SUSD1: variants seen among roughly 807,000 people sequenced by gnomAD.
SUSD1 encodes the protein sushi domain-containing protein 1.
A neutral mutation model predicts 86.9 loss-of-function variants in SUSD1; 65 were observed. The observed-to-expected ratio is 0.75, with a 90% confidence interval of 0.61 to 0.92. SUSD1 has a LOEUF of 0.92. SUSD1 is among the 40% of genes least tolerant of loss of function. The pLI is 0.00. For missense variants in SUSD1, 850 were observed against 929.7 expected, an observed-to-expected ratio of 0.91 and a Z score of 1.11; for synonymous variants, 346 against 350.0, an observed-to-expected ratio of 0.99 and a Z score of 0.13.
intron 12 of SUSD1, among the ~76,000 whole-genome samples, chr9:112,069,240 T>C (rs1829141046): frequency 6.6e-6 from 1 of 152,006 alleles, no homozygotes; most frequent in South Asian, 2.1e-4. Flanking sequence ...GTCTAGAATT[T>C]CTCCCAGAGT....
At chr9:112,051,408 CTTTTTTTTTTTT>C (rs746946192) in intron 15 of SUSD1, among the ~76,000 whole-genome samples, 1 of 77,042 alleles carries the variant, frequency 1.3e-5, no homozygotes, top group South Asian at 4.7e-4. Flanking sequence ...TTTTTCTTTT[CTTTTTTTTTTTT>C]TTTTTTTTTT....
intron 15 of SUSD1, among the ~76,000 whole-genome samples, chr9:112,049,927 C>CA (rs1166868308): frequency 1.3e-5 from 2 of 152,122 alleles, no homozygotes; most frequent in Non-Finnish European, 2.9e-5. Context: ...ATTTTCAAAG[C>CA]AAAATCCTCC....
intron 1 of SUSD1, among the ~76,000 whole-genome samples, chr9:112,167,143 C>T (rs905656564): frequency 6.6e-6 from 1 of 151,752 alleles, no homozygotes; most frequent in African/African-American, 2.4e-5. Flanking sequence ...TTCACCCAGG[C>T]TAGAGTGTAG....
intron 9 of SUSD1, among the ~76,000 whole-genome samples, chr9:112,101,496 G>T (rs1830633903): frequency 6.6e-6 from 1 of 152,138 alleles, no homozygotes; most frequent in South Asian, 2.1e-4. Context: ...TACTGATGAT[G>T]TTTAAGAAAA....
At chr9:112,131,658 C>T (rs1832039524) in intron 5 of SUSD1, among the ~76,000 whole-genome samples, 1 of 152,158 alleles carries the variant, frequency 6.6e-6, no homozygotes, top group Non-Finnish European at 1.5e-5. Context: ...ATAAAAAACC[C>T]CCAAAACTCT....
At chr9:112,054,237 A>G (rs1159255019) in intron 14 of SUSD1, among the ~76,000 whole-genome samples, 1 of 152,224 alleles carries the variant, frequency 6.6e-6, no homozygotes, top group Non-Finnish European at 1.5e-5. Flanking sequence ...AAACCCTTGC[A>G]TATATGTCAA....
chr9:112,108,792 G>GA lies in SUSD1; in HGVS notation c.1171+2861dup, dbSNP rs1380642660. ...GGTGTCTCAAAAAAAAAAAAAAAAA[G>GA]AAAAAAAAGAAAGAAAGAAAGAAAA... On this transcript the variant is annotated intron_variant, in intron 8 of 16. Transcript: ENST00000374270. Among the ~76,000 whole-genome samples, 5 of 66,622 alleles carry GA rather than the reference G, an allele frequency of 7.5e-5. No homozygotes were observed. In the South Asian group the frequency reaches 1.4e-3, roughly 19 times the overall value. The allele number at this position is 66,622 out of a possible 152,430, so 43.7% of individuals were successfully genotyped here. A position where few individuals can be genotyped will look rare whatever the true frequency, so the allele number is the denominator to read the frequency against.
chr9:112,138,795 T>G (rs188824423), intron 5 of SUSD1, among the ~76,000 whole-genome samples: 1 of 152,360 alleles, frequency 6.6e-6, no homozygotes, highest in East Asian at 1.9e-4. Flanking sequence ...CATAATTTTA[T>G]TGGATACATA....
Position 112,062,948 on chromosome 9 carries a change from AT to A in SUSD1, c.1838del (p.Asn613MetfsTer10). The A allele has an allele frequency of 1.2e-6, 2 of 1,610,490 alleles. No homozygotes were observed. Among genetic ancestry groups the A allele is most frequent in the Non-Finnish European group, 8.5e-7 (1 of 1,177,432 alleles). On this transcript the variant is annotated frameshift_variant, in exon 13 of 17. Coordinates refer to ENST00000374270, the MANE Select transcript of SUSD1 (RefSeq NM_022486.5). LOFTEE classifies it high-confidence loss of function. ...RLRLRKAKEK[N>X]GPISSYQVLV... ...GGACAGCTACTGACCTGATTGGTCC[AT>A]TTTTCTCCTTGGCTTTCCTCAGTCT... is the stretch of plus-strand genomic sequence containing the variant.
chr9:112,128,357 G>C (rs931181662), intron 5 of SUSD1, among the ~76,000 whole-genome samples: 1 of 151,668 alleles, frequency 6.6e-6, no homozygotes, highest in African/African-American at 2.4e-5. Flanking sequence ...GCCTCCCAAA[G>C]TGCTAGGATT....
chr9:112,124,426 A>G lies in SUSD1; in HGVS notation c.717T>C (p.Cys239=). ...SPKLHCQEIN[C]GNPPEMRHAI... ...CGTGCCGCATTTCTGGAGGGTTGCC[A>G]CAGTTGATCTCTGCAATGGGAACCA... Residue 239 remains cysteine (C), a synonymous_variant, in exon 6 of 17, where the codon TGT becomes TGC. Transcript: ENST00000374270. 1 of 1,613,972 alleles carries G rather than the reference A, an allele frequency of 6.2e-7. No individual in the cohort carries two copies. Among genetic ancestry groups the G allele is most frequent in the Non-Finnish European group, 8.5e-7 (1 of 1,179,880 alleles).
chr9:112,111,822 G>A lies in SUSD1; in HGVS notation c.1003C>T (p.Arg335Trp), dbSNP rs747833554. Residue 335 changes from arginine (R) to tryptophan (W), a missense_variant, in exon 8 of 17, where the codon CGG (arginine) becomes TGG (tryptophan). By Grantham distance (101) the Arg-to-Trp change is moderately radical. Coordinates refer to ENST00000374270, the MANE Select transcript of SUSD1 (RefSeq NM_022486.5). Reference sequence around the variant, plus strand: ...CGAACTGATTCCATAGGGTCCAACCGTTGTCCTTTTATGGATATCTTTGAG... The same window carrying A: ...CGAACTGATTCCATAGGGTCCAACCATTGTCCTTTTATGGATATCTTTGAG... ...ISYVISIKGQRLDPMESVREE... is the reference protein window; with the variant it reads ...ISYVISIKGQWLDPMESVREE... The A allele has an allele frequency of 2.0e-5, 33 of 1,613,764 alleles. No individual in the cohort carries two copies. Among genetic ancestry groups the A allele is most frequent in the African/African-American group, 6.7e-5 (5 of 74,890 alleles).
rs73658017 is a variant in SUSD1 at position 112,120,792 on chromosome 9, T to C, written c.886+3465A>G. Among the ~76,000 whole-genome samples, 1,029 of 152,296 alleles carry C rather than the reference T, an allele frequency of 6.8e-3. 20 individuals carry two copies. Among genetic ancestry groups the C allele is most frequent in the African/African-American group, 0.024 (991 of 41,550 alleles). Reference sequence around the variant, plus strand: ...AATAGCTTACTATGCCCCATGCAGATCCACTGGTTTTTCATGCGGTGACTA... The same window carrying C: ...AATAGCTTACTATGCCCCATGCAGACCCACTGGTTTTTCATGCGGTGACTA... On this transcript the variant is annotated intron_variant, in intron 6 of 16. Transcript: ENST00000374270.
chr9:112,138,238 T>TATATATATATATGTATATACAC (rs1832359457), intron 5 of SUSD1, among the ~76,000 whole-genome samples: 1 of 37,006 alleles, frequency 2.7e-5, no homozygotes, highest in South Asian at 5.5e-4. Context: ...AAAAAATGTG[T>TATATATATATATGTATATACAC]ATATATATAT....
chr9:112,145,437 G>A (rs1305160223), intron 3 of SUSD1, among the ~76,000 whole-genome samples: 6 of 151,814 alleles, frequency 4.0e-5, no homozygotes, highest in South Asian at 4.2e-4. Flanking sequence ...GTACCACCAC[G>A]CCGGCTAATT....
At chr9:112,087,652 T>A (rs1830040066) in intron 10 of SUSD1, among the ~76,000 whole-genome samples, 1 of 151,682 alleles carries the variant, frequency 6.6e-6, no homozygotes. Flanking sequence ...ATTGAAGAAA[T>A]ATAGGAAAAC....
intron 12 of SUSD1, among the ~76,000 whole-genome samples, chr9:112,073,740 A>T (rs1322952481): frequency 6.6e-6 from 1 of 152,044 alleles, no homozygotes; most frequent in Non-Finnish European, 1.5e-5. Context: ...ATATATTTTT[A>T]AAATTAGACG....
chr9:112,144,039 A>C (rs981016521), intron 3 of SUSD1, among the ~76,000 whole-genome samples: 6 of 152,192 alleles, frequency 3.9e-5, no homozygotes, highest in Non-Finnish European at 7.3e-5. Flanking sequence ...CAGGAGTTCG[A>C]GACCAGCCTG....
At chr9:112,076,859 C>G (rs1042241068) in intron 12 of SUSD1, among the ~76,000 whole-genome samples, 3 of 152,040 alleles carry the variant, frequency 2.0e-5, no homozygotes, top group Non-Finnish European at 4.4e-5. Context: ...TCAACGCTAT[C>G]GAAGAAATCA....
Sources: allele counts gnomAD v4.1 joint callset (sites outside exome capture counted in the v4.1 genomes callset), GRCh38; gene constraint gnomAD v4.1.1; transcripts MANE v1.5; gene names NCBI Gene and HGNC (gene_info 2026-07-23, HGNC 2026-07-21).